GPC6: variants seen among roughly 807,000 people sequenced by gnomAD.
The protein encoded by GPC6 is glypican-6.
A neutral mutation model predicts 55.2 loss-of-function variants in GPC6; 14 were observed. The observed-to-expected ratio is 0.25, with a 90% confidence interval of 0.17 to 0.40. The LOEUF is 0.40. Ranked by LOEUF, GPC6 falls within the 10% of genes least tolerant of loss-of-function variation. The pLI is 1.00. For synonymous variants in GPC6, 278 were observed against 259.6 expected, an observed-to-expected ratio of 1.07 and a Z score of -0.68; for missense variants, 641 against 708.5, an observed-to-expected ratio of 0.90 and a Z score of 1.08.
chr13:94,307,072 A>C (rs1345284433), intron 6 of GPC6, among the ~76,000 whole-genome samples: 2 of 152,238 alleles, frequency 1.3e-5, no homozygotes, highest in Non-Finnish European at 2.9e-5. Context: ...ATCCTTCTAT[A>C]GTGTAGAACT....
At chr13:93,247,106 C>T (rs1876629370) in intron 1 of GPC6, among the ~76,000 whole-genome samples, 1 of 151,610 alleles carries the variant, frequency 6.6e-6, no homozygotes, top group Non-Finnish European at 1.5e-5. Flanking sequence ...CAACAAAAAC[C>T]ATTCTAGTAT....
chr13:94,386,878 CT>C (rs1437944660), intron 7 of GPC6, among the ~76,000 whole-genome samples: 1 of 152,128 alleles, frequency 6.6e-6, no homozygotes, highest in African/African-American at 2.4e-5. Context: ...CTTATTTTTC[CT>C]GATTACTTTC....
chr13:94,126,317 A>G (rs1287655378), intron 4 of GPC6, among the ~76,000 whole-genome samples: 1 of 152,174 alleles, frequency 6.6e-6, no homozygotes, highest in Non-Finnish European at 1.5e-5. Flanking sequence ...TAGGAGTTTG[A>G]GGCTGCAGTG....
chr13:93,905,221 C>G (rs1382545198), intron 3 of GPC6, among the ~76,000 whole-genome samples: 1 of 151,724 alleles, frequency 6.6e-6, no homozygotes, highest in Admixed American at 6.6e-5. Flanking sequence ...CACCTTAATG[C>G]TGAAATTCAG....
intron 2 of GPC6, among the ~76,000 whole-genome samples, chr13:93,657,795 C>T (rs1000915224): frequency 1.3e-5 from 2 of 151,774 alleles, no homozygotes; most frequent in African/African-American, 2.4e-5. Context: ...GGGCAAAGAA[C>T]ATGAACAGAT....
In GPC6 at chr13:93,556,679, A is replaced by T. The variant is rs1027193507; in HGVS notation, c.319+11258A>T. 8.6e-5 allele frequency among the ~76,000 whole-genome samples: 13 copies of T among 151,644 alleles called. 1 individual carries two copies. The highest frequency in any genetic ancestry group is 5.9e-4 in the Admixed American group (9 of 15,158). On this transcript the variant is annotated intron_variant, in intron 2 of 8. Coordinates refer to ENST00000377047, the MANE Select transcript of GPC6 (RefSeq NM_005708.5). Reference sequence around the variant, plus strand: ...TTTTTTTAACCTGTTAGCCAGCCCCACCTCTCCACCACTCACTCGCTGCCC... The same window carrying T: ...TTTTTTTAACCTGTTAGCCAGCCCCTCCTCTCCACCACTCACTCGCTGCCC...
intron 3 of GPC6, among the ~76,000 whole-genome samples, chr13:93,885,538 T>C (rs1875271124): frequency 6.6e-6 from 1 of 151,868 alleles, no homozygotes; most frequent in South Asian, 2.1e-4. Flanking sequence ...AAACCACTGG[T>C]AAGATTGACA....
chr13:94,059,286 A>G (rs535650700), intron 4 of GPC6, among the ~76,000 whole-genome samples: 56 of 151,016 alleles, frequency 3.7e-4, no homozygotes, highest in African/African-American at 1.3e-3. Flanking sequence ...GTGGACTACT[A>G]TGTATTGTTC....
At chr13:94,111,172 TA>T (rs1300198060) in intron 4 of GPC6, among the ~76,000 whole-genome samples, 2 of 152,254 alleles carry the variant, frequency 1.3e-5, no homozygotes, top group Admixed American at 6.6e-5. Flanking sequence ...TTTTTTCTAT[TA>T]TATTTTGTTT....
chr13:94,295,833 A>C (rs570954781), intron 5 of GPC6, among the ~76,000 whole-genome samples: 6 of 152,006 alleles, frequency 3.9e-5, no homozygotes, highest in Non-Finnish European at 8.8e-5. Context: ...TTCTATTTCT[A>C]CTTCTTTAGT....
chr13:94,090,910 G>A (rs114820362), intron 4 of GPC6, among the ~76,000 whole-genome samples: 2,697 of 152,118 alleles, frequency 0.018, 80 homozygotes, highest in African/African-American at 0.061. Context: ...CATTAGATGT[G>A]GAAAATTAGA....
At chr13:93,525,031 A>G (rs888473617) in intron 1 of GPC6, among the ~76,000 whole-genome samples, 2 of 152,096 alleles carry the variant, frequency 1.3e-5, no homozygotes, top group Non-Finnish European at 2.9e-5. Context: ...CGTTGACTCT[A>G]ATGGAAGCTG....
intron 4 of GPC6, among the ~76,000 whole-genome samples, chr13:94,112,394 G>A (rs578258057): frequency 6.6e-5 from 10 of 152,256 alleles, no homozygotes; most frequent in South Asian, 2.1e-4. Context: ...GGCAGCCTCC[G>A]CTAGGATGTG....
chr13:93,999,046 A>G (rs113408709), intron 3 of GPC6, among the ~76,000 whole-genome samples: 2,176 of 152,082 alleles, frequency 0.014, 41 homozygotes, highest in African/African-American at 0.044. Flanking sequence ...TTTTTTTATT[A>G]TAGTTTAAGT....
intron 3 of GPC6, among the ~76,000 whole-genome samples, chr13:93,909,967 C>G (rs2140334632): frequency 6.6e-6 from 1 of 151,998 alleles, no homozygotes; most frequent in East Asian, 1.9e-4. Context: ...GGCCAGGGTA[C>G]AGTAGCTTTT....
chr13:93,589,251 T>A (rs1467507003), intron 2 of GPC6, among the ~76,000 whole-genome samples: 2 of 121,486 alleles, frequency 1.6e-5, no homozygotes, highest in African/African-American at 6.6e-5. Flanking sequence ...CATTACCTTT[T>A]CATTTTTCCC....
At chr13:93,633,907 G>A (rs2139575679) in intron 2 of GPC6, among the ~76,000 whole-genome samples, 1 of 152,198 alleles carries the variant, frequency 6.6e-6, no homozygotes, top group African/African-American at 2.4e-5. Flanking sequence ...GGACCTTACA[G>A]TTGAAAGACC....
intron 2 of GPC6, among the ~76,000 whole-genome samples, chr13:93,593,848 TA>T (rs1347063170): frequency 2.0e-5 from 3 of 152,140 alleles, no homozygotes; most frequent in African/African-American, 7.2e-5. Context: ...AATATAGCTA[TA>T]AAAATATAAG....
chr13:93,396,809 C>G (rs900103991), intron 1 of GPC6, among the ~76,000 whole-genome samples: 4 of 151,998 alleles, frequency 2.6e-5, no homozygotes, highest in African/African-American at 7.2e-5. Context: ...ACAATAGTGC[C>G]TGATCACATC....
Sources: allele counts gnomAD v4.1 joint callset (sites outside exome capture counted in the v4.1 genomes callset), GRCh38; gene constraint gnomAD v4.1.1; transcripts MANE v1.5; gene names NCBI Gene and HGNC (gene_info 2026-07-23, HGNC 2026-07-21).